VPS13A: variants seen among roughly 807,000 people sequenced by gnomAD.
VPS13A encodes vacuolar protein sorting 13 homolog A, also known as intermembrane lipid transfer protein VPS13A.
In VPS13A, 264 loss-of-function variants were observed where a neutral mutation model predicts 390.9. The observed-to-expected ratio is 0.68, with a 90% CI of 0.61 to 0.75. The LOEUF is 0.75. VPS13A is among the 30% of genes least tolerant of loss of function. The pLI, the probability that VPS13A is intolerant of heterozygous loss-of-function variation, is 0.00. For synonymous variants in VPS13A, 1,231 were observed against 1,227.1 expected (o/e 1.00, Z -0.07); for missense variants, 3,409 against 3,733.9 (o/e 0.91, Z 2.27).
chr9:77,236,044 A>G (rs1348248924), intron 17 of VPS13A, among the ~76,000 whole-genome samples: 2 of 152,152 alleles, frequency 1.3e-5, no homozygotes, highest in Non-Finnish European at 2.9e-5. Context: ...ACGTAGACTA[A>G]TATAACTATT....
chr9:77,320,192 G>A (rs1407997702), intron 42 of VPS13A, among the ~76,000 whole-genome samples: 1 of 152,098 alleles, frequency 6.6e-6, no homozygotes, highest in Non-Finnish European at 1.5e-5. Context: ...ACTGAGACCA[G>A]GGAGGTTAAG....
At chr9:77,323,737 C>T (rs1448179630) in intron 45 of VPS13A, among the ~76,000 whole-genome samples, 1 of 152,150 alleles carries the variant, frequency 6.6e-6, no homozygotes, top group Non-Finnish European at 1.5e-5. Flanking sequence ...ATCCACTGAT[C>T]TGTCCTCATT....
intron 16 of VPS13A, among the ~76,000 whole-genome samples, chr9:77,227,860 T>C (rs1425137037): frequency 1.3e-5 from 2 of 152,080 alleles, no homozygotes; most frequent in Non-Finnish European, 2.9e-5. Context: ...TAATGTTACA[T>C]ATGTCCATTT....
At chr9:77,381,359 G>A (rs1194035426) in intron 67 of VPS13A, among the ~76,000 whole-genome samples, 2 of 152,240 alleles carry the variant, frequency 1.3e-5, no homozygotes, top group African/African-American at 4.8e-5. Context: ...ATCAAGCCCA[G>A]TAAGAATGTG....
chr9:77,307,110 G>T lies in VPS13A; in HGVS notation c.3961-835G>T, dbSNP rs537784314. Among the ~76,000 whole-genome samples, 9 of 152,064 alleles carry T rather than the reference G, an allele frequency of 5.9e-5. No individual in the cohort carries two copies. The South Asian group carries it at 1.9e-3, about 32-fold the overall frequency. On this transcript the variant is annotated intron_variant, in intron 34 of 71. Coordinates refer to ENST00000360280, the MANE Select transcript of VPS13A (RefSeq NM_033305.3). The stretch of plus-strand genomic sequence containing the variant: ...GTAGAGTCGGGGTTTCACCGTGTTG[G>T]CTGGGCTGTTCTCTTAACTCCTGGC...
At chr9:77,357,960 T>C in intron 56 of VPS13A, 122 bp downstream of exon 56, 1 of 978,504 alleles carries the variant, frequency 1.0e-6, no homozygotes, top group Non-Finnish European at 1.5e-6. Context: ...GCCTTTTTTT[T>C]TTTTTTTTTT....
chr9:77,192,678 C>T (rs1387429745), intron 1 of VPS13A, among the ~76,000 whole-genome samples: 2 of 152,178 alleles, frequency 1.3e-5, no homozygotes, highest in South Asian at 4.1e-4. Context: ...CCAATTTCTT[C>T]TGGCTTGTAG....
intron 13 of VPS13A, among the ~76,000 whole-genome samples, chr9:77,223,830 G>A (rs564174838): frequency 2.0e-5 from 3 of 152,290 alleles, no homozygotes; most frequent in African/African-American, 7.2e-5. Flanking sequence ...GATTTTCAGT[G>A]TAGATGTAAC....
intron 1 of VPS13A, among the ~76,000 whole-genome samples, chr9:77,186,256 C>G (rs543585886): frequency 7.9e-4 from 121 of 152,278 alleles, no homozygotes; most frequent in African/African-American, 2.7e-3. Flanking sequence ...ATTTCACTTA[C>G]CTATAAGCTG....
intron 21 of VPS13A, among the ~76,000 whole-genome samples, chr9:77,250,477 G>A (rs1020103673): frequency 4.6e-5 from 7 of 152,080 alleles, no homozygotes; most frequent in African/African-American, 1.7e-4. Flanking sequence ...GCATCTAGTG[G>A]GTAAAGGTGA....
chr9:77,201,434 C>A, intron 3 of VPS13A, 27 bp downstream of exon 3: 3 of 1,579,916 alleles, frequency 1.9e-6, no homozygotes, highest in Non-Finnish European at 1.7e-6. Context: ...ATTGGGATAT[C>A]CTCCTTCCTG....
intron 45 of VPS13A, among the ~76,000 whole-genome samples, chr9:77,324,065 A>T (rs1412053515): frequency 1.3e-5 from 2 of 152,078 alleles, no homozygotes; most frequent in Admixed American, 6.5e-5. Context: ...TCAATTTTAT[A>T]AAAAATCTGG....
chr9:77,202,092 T>C (rs1825364828), intron 3 of VPS13A, among the ~76,000 whole-genome samples: 1 of 152,172 alleles, frequency 6.6e-6, no homozygotes, highest in Non-Finnish European at 1.5e-5. Flanking sequence ...ACATTGTTAT[T>C]GAAGCTATAC....
rs1394685252 is a variant in VPS13A at position 77,368,112 on chromosome 9, A to G, written c.8529A>G (p.Glu2843=). The G allele has an allele frequency of 3.1e-6, 5 of 1,612,318 alleles. No homozygotes were observed. In the African/African-American group the frequency reaches 6.7e-5, roughly 22 times the overall value. ...QFHTTSDLQS[E]VIRHYSKQAI... is the part of the protein sequence containing the mutation. ...ATACAACATCCGATCTACAGTCTGA[A>G]GTCATAAGACACTATTCAAAACAGG... The change falls in exon 62 of 72, where the codon GAA becomes GAG. Residue 2843 remains glutamate (E), a synonymous_variant. Coordinates refer to ENST00000360280, the MANE Select transcript of VPS13A (RefSeq NM_033305.3).
chr9:77,374,415 A>G (rs1468394516), intron 67 of VPS13A, among the ~76,000 whole-genome samples: 1 of 152,224 alleles, frequency 6.6e-6, no homozygotes, highest in Non-Finnish European at 1.5e-5. Flanking sequence ...GATAACTGAG[A>G]CAGCTACTAT....
Position 77,387,849 on chromosome 9 carries a change from A to G in VPS13A, c.9189+5762A>G, listed in dbSNP as rs555468654. 8.8e-4 allele frequency among the ~76,000 whole-genome samples: 134 copies of G among 151,806 alleles called. 1 individual carries two copies. Among genetic ancestry groups the G allele is most frequent in the South Asian group, 7.8e-3 (37 of 4,742 alleles). ...TTAAGTGTACACCTGGAGCCACTGC[A>G]TACTTATGACATCAATATTCAATGT... On this transcript the variant is annotated intron_variant, in intron 68 of 71. Coordinates refer to ENST00000360280, the MANE Select transcript of VPS13A (RefSeq NM_033305.3).
chr9:77,376,139 A>G (rs1430039045), intron 67 of VPS13A, among the ~76,000 whole-genome samples: 1 of 152,186 alleles, frequency 6.6e-6, no homozygotes, highest in Non-Finnish European at 1.5e-5. Context: ...GGCAGAAGGA[A>G]CAGCAGTTAA....
At chr9:77,357,604 C>T in intron 55 of VPS13A, 88 bp from the exon 56 acceptor site, 1 of 1,337,092 alleles carries the variant, frequency 7.5e-7, no homozygotes, top group Non-Finnish European at 1.0e-6. Flanking sequence ...ATGTAGCTTA[C>T]TGTTTTAAAA....
At chr9:77,384,980 A>C (rs901388778) in intron 68 of VPS13A, 2 of 1,098,822 alleles carry the variant, frequency 1.8e-6, no homozygotes, top group African/African-American at 3.3e-5. Context: ...TATAATTTTG[A>C]TGTTCACTGG....
Sources: gnomAD v4.1 joint callset for allele counts (sites outside exome capture counted in the v4.1 genomes callset) on GRCh38, gnomAD v4.1.1 for gene constraint, MANE v1.5 for transcripts, NCBI Gene and HGNC (gene_info 2026-07-23, HGNC 2026-07-21) for gene names.